The following PLPPR1 variants were observed in gnomAD, a reference collection of about 807,000 sequenced individuals.
PLPPR1 encodes phospholipid phosphatase related 1.
PLPPR1 carries 10 observed loss-of-function variants against 33.1 expected under a neutral mutation model. The observed-to-expected ratio is 0.30, with a 90% CI of 0.19 to 0.51. The LOEUF is 0.51. PLPPR1 is among the 20% of genes least tolerant of loss of function. The pLI is 0.97. For missense variants in PLPPR1, 304 were observed against 408.1 expected, an observed-to-expected ratio of 0.74 and a Z score of 2.20; for synonymous variants, 151 against 151.0, an observed-to-expected ratio of 1.00 and a Z score of 0.00.
intron 1 of PLPPR1, among the ~76,000 whole-genome samples, chr9:101,177,860 A>AT (rs1826040920): frequency 1.3e-5 from 2 of 152,194 alleles, no homozygotes; most frequent in Admixed American, 6.5e-5. Context: ...ATTGATTTGT[A>AT]TTTTTTACAT....
intron 1 of PLPPR1, among the ~76,000 whole-genome samples, chr9:101,079,784 T>C (rs1830596143): frequency 6.6e-6 from 1 of 152,172 alleles, no homozygotes; most frequent in Admixed American, 6.5e-5. Flanking sequence ...TTCACCATGT[T>C]GGTCAGGCTA....
At chr9:101,118,877 T>A (rs1288045250) in intron 1 of PLPPR1, among the ~76,000 whole-genome samples, 1 of 141,868 alleles carries the variant, frequency 7.0e-6, no homozygotes, top group Non-Finnish European at 1.6e-5. Context: ...TGTCTTTGAC[T>A]TTGATGCCAT....
At chr9:101,198,595 G>C (rs1826439445) in intron 2 of PLPPR1, among the ~76,000 whole-genome samples, 1 of 152,212 alleles carries the variant, frequency 6.6e-6, no homozygotes, top group African/African-American at 2.4e-5. Flanking sequence ...GAGCCTTCAA[G>C]ATTAGGAGAG....
In PLPPR1 at chr9:101,077,236, T is replaced by C. The variant is rs143891478; in HGVS notation, c.-46+48134T>C. Among the ~76,000 whole-genome samples, 56 of 152,288 alleles carry C rather than the reference T, an allele frequency of 3.7e-4. 1 individual carries two copies. The highest frequency in any genetic ancestry group is 1.3e-3 in the African/African-American group (55 of 41,562). Reference sequence around the variant, plus strand: ...TTTTATTCCTGCTTATGCCCCTATCTCTTCTTAGGACTAGACAGGATTCCT... The same window carrying C: ...TTTTATTCCTGCTTATGCCCCTATCCCTTCTTAGGACTAGACAGGATTCCT... On this transcript the variant is annotated intron_variant, in intron 1 of 7. Coordinates refer to ENST00000374874, the MANE Select transcript of PLPPR1 (RefSeq NM_207299.2).
At chr9:101,029,705 G>A (rs1219326218) in intron 1 of PLPPR1, among the ~76,000 whole-genome samples, 1 of 152,148 alleles carries the variant, frequency 6.6e-6, no homozygotes, top group Non-Finnish European at 1.5e-5. Flanking sequence ...CAAAGGCGCC[G>A]GGGTGAGGCT....
chr9:101,205,206 T>C (rs1303164437), intron 2 of PLPPR1, among the ~76,000 whole-genome samples: 4 of 152,156 alleles, frequency 2.6e-5, no homozygotes, highest in African/African-American at 4.8e-5. Flanking sequence ...TGCATGAGAA[T>C]CACTAGGAGA....
chr9:101,081,055 C>T (rs1830611585), intron 1 of PLPPR1, among the ~76,000 whole-genome samples: 1 of 152,080 alleles, frequency 6.6e-6, no homozygotes, highest in South Asian at 2.1e-4. Context: ...TCTCAGTCTA[C>T]CAAGTCAGTT....
intron 1 of PLPPR1, among the ~76,000 whole-genome samples, chr9:101,145,515 G>A (rs753753182): frequency 6.6e-5 from 10 of 151,896 alleles, no homozygotes; most frequent in Non-Finnish European, 1.3e-4. Flanking sequence ...CTGAGTAGCT[G>A]GGATTCCAAG....
chr9:101,173,725 C>T (rs1465035220), intron 1 of PLPPR1, among the ~76,000 whole-genome samples: 1 of 152,120 alleles, frequency 6.6e-6, no homozygotes, highest in Non-Finnish European at 1.5e-5. Flanking sequence ...AGTAGTTCTC[C>T]ATCAGGGGAA....
At chr9:101,244,224 GT>G (rs1459515894) in intron 2 of PLPPR1, among the ~76,000 whole-genome samples, 1 of 151,928 alleles carries the variant, frequency 6.6e-6, no homozygotes, top group East Asian at 1.9e-4. Flanking sequence ...TAACCCCCAT[GT>G]AGCTTTGCAG....
chr9:101,316,532 A>T (rs1829052611), intron 6 of PLPPR1, among the ~76,000 whole-genome samples: 1 of 151,514 alleles, frequency 6.6e-6, no homozygotes, highest in African/African-American at 2.4e-5. Context: ...GGGTTTGAAG[A>T]GTAGCAGGAA....
intron 1 of PLPPR1, among the ~76,000 whole-genome samples, chr9:101,060,326 T>G (rs181517099): frequency 7.2e-4 from 109 of 151,812 alleles, no homozygotes; most frequent in African/African-American, 2.6e-3. Flanking sequence ...AGTAGGAAAA[T>G]TAGGGAGATG....
Position 101,064,942 on chromosome 9 carries a change from C to A in PLPPR1, c.-46+35840C>A, listed in dbSNP as rs111245980. On this transcript the variant is annotated intron_variant, in intron 1 of 7. Transcript: ENST00000374874. Reference sequence around the variant, plus strand: ...TTGATTAATCAATGAATGGACTAATCCATGAGGGCTCTGCCTTTGAGACCA... The same window carrying A: ...TTGATTAATCAATGAATGGACTAATACATGAGGGCTCTGCCTTTGAGACCA... Among the ~76,000 whole-genome samples the A allele has an allele frequency of 1.1e-3, 171 of 152,126 alleles. 1 individual carries two copies. Among genetic ancestry groups the A allele is most frequent in the African/African-American group, 3.9e-3 (163 of 41,524 alleles).
intron 1 of PLPPR1, among the ~76,000 whole-genome samples, chr9:101,137,931 G>T (rs145811285): frequency 6.6e-6 from 1 of 152,198 alleles, no homozygotes; most frequent in East Asian, 1.9e-4. Flanking sequence ...GCAAGTGGCC[G>T]ATGCAGGATT....
At chr9:101,162,510 T>A (rs1037734572) in intron 1 of PLPPR1, among the ~76,000 whole-genome samples, 1 of 152,202 alleles carries the variant, frequency 6.6e-6, no homozygotes, top group African/African-American at 2.4e-5. Context: ...CAGGGAAGAA[T>A]TTGTGAATTT....
chr9:101,247,380 A>C (rs1167865054), intron 2 of PLPPR1, among the ~76,000 whole-genome samples: 1 of 152,094 alleles, frequency 6.6e-6, no homozygotes, highest in Non-Finnish European at 1.5e-5. Flanking sequence ...ATTGGGTCTT[A>C]CATCAACCAC....
At chr9:101,234,376 T>A (rs2118827863) in intron 2 of PLPPR1, among the ~76,000 whole-genome samples, 1 of 152,030 alleles carries the variant, frequency 6.6e-6, no homozygotes, top group Admixed American at 6.6e-5. Context: ...AGAGTTTTAA[T>A]GGCTACTTCA....
At chr9:101,280,809 A>G (rs1828284640) in intron 3 of PLPPR1, among the ~76,000 whole-genome samples, 1 of 152,180 alleles carries the variant, frequency 6.6e-6, no homozygotes, top group Non-Finnish European at 1.5e-5. Flanking sequence ...ACCCACAGCT[A>G]GTAACATACT....
intron 2 of PLPPR1, chr9:101,187,284 C>G (rs1826220469): frequency 6.6e-6 from 1 of 151,852 alleles, no homozygotes; most frequent in Admixed American, 6.6e-5. Context: ...AAGCAACCCT[C>G]AAAGTGAGAT....
Sources: allele counts gnomAD v4.1 joint callset (sites outside exome capture counted in the v4.1 genomes callset), GRCh38; gene constraint gnomAD v4.1.1; transcripts MANE v1.5; gene names NCBI Gene and HGNC (gene_info 2026-07-23, HGNC 2026-07-21).